The following IQGAP2 variants were observed in gnomAD, a reference collection of about 807,000 sequenced individuals.
IQGAP2 encodes the protein ras GTPase-activating-like protein IQGAP2.
A neutral mutation model predicts 201.3 loss-of-function variants in IQGAP2; 173 were observed. That is an observed-to-expected ratio of 0.86 (90% confidence interval 0.76 to 0.98). The LOEUF is 0.98. Among genes scored for constraint, IQGAP2 ranks in the 50% least tolerant of loss-of-function variants. IQGAP2 has a pLI of 0.00. For missense variants in IQGAP2, 1,687 were observed against 1,864.8 expected (o/e 0.90, Z 1.76); for synonymous variants, 675 against 673.9 (o/e 1.00, Z -0.03).
At chr5:76,614,971 C>T (rs924276232) in intron 13 of IQGAP2, among the ~76,000 whole-genome samples, 1 of 152,150 alleles carries the variant, frequency 6.6e-6, no homozygotes, top group African/African-American at 2.4e-5. Context: ...AGGTGGAGGA[C>T]AGTAATGGAA....
intron 2 of IQGAP2, among the ~76,000 whole-genome samples, chr5:76,468,695 T>A (rs546624719): frequency 6.6e-6 from 1 of 152,338 alleles, no homozygotes; most frequent in Admixed American, 6.5e-5. Flanking sequence ...AGGCTCTGCA[T>A]AGTCCAGTTC....
At chr5:76,627,051 C>A (rs2150375834) in intron 13 of IQGAP2, among the ~76,000 whole-genome samples, 1 of 152,156 alleles carries the variant, frequency 6.6e-6, no homozygotes, top group Non-Finnish European at 1.5e-5. Context: ...TTTGGGGAAG[C>A]TTTAAGTAGA....
At chr5:76,490,814 G>A (rs1756493359) in intron 2 of IQGAP2, among the ~76,000 whole-genome samples, 1 of 152,056 alleles carries the variant, frequency 6.6e-6, no homozygotes, top group African/African-American at 2.4e-5. Flanking sequence ...GAATCTGTGT[G>A]GCAGAATGTA....
At chr5:76,485,073 T>A (rs2150148917) in intron 2 of IQGAP2, among the ~76,000 whole-genome samples, 1 of 152,248 alleles carries the variant, frequency 6.6e-6, no homozygotes, top group African/African-American at 2.4e-5. Flanking sequence ...TCCTCTGACT[T>A]GGCCTCCCAA....
At chr5:76,652,196 A>G (rs571856761) in intron 17 of IQGAP2, among the ~76,000 whole-genome samples, 5 of 152,306 alleles carry the variant, frequency 3.3e-5, no homozygotes, top group African/African-American at 1.2e-4. Flanking sequence ...TATGTTGATG[A>G]AGCATTGTTT....
At chr5:76,585,414 AGAG>A (rs1561484946) in intron 5 of IQGAP2, among the ~76,000 whole-genome samples, 1 of 152,162 alleles carries the variant, frequency 6.6e-6, no homozygotes, top group African/African-American at 2.4e-5. Flanking sequence ...ATTTGTAAAA[AGAG>A]GAGGAAAGTG....
intron 1 of IQGAP2, among the ~76,000 whole-genome samples, chr5:76,435,935 T>C (rs1362982786): frequency 4.7e-5 from 6 of 126,800 alleles, no homozygotes; most frequent in African/African-American, 2.8e-4. Context: ...TTTGGGTTTT[T>C]GTTTGTTTGT....
At position 76,627,474 on chromosome 5, in the gene IQGAP2, A is replaced by G; in HGVS notation, c.1586A>G (p.Asn529Ser). 6.3e-7 allele frequency: 1 copy of G among 1,589,652 alleles called. No homozygotes were observed. The highest frequency in any genetic ancestry group is 2.2e-5 in the East Asian group (1 of 44,794). ...DEIQQAVDDA[N>S]VDKDRAKQWV... The stretch of plus-strand genomic sequence containing the variant: ...ATACAGCAAGCCGTCGATGATGCCA[A>G]CGTGGACAAGGACAGAGCAAAACAA... Residue 529 changes from asparagine (N) to serine (S), a missense_variant, in exon 14 of 36, where the codon AAC (asparagine) becomes AGC (serine). Transcript: ENST00000274364.
intron 2 of IQGAP2, among the ~76,000 whole-genome samples, chr5:76,467,484 C>G (rs868744726): frequency 6.6e-6 from 1 of 152,202 alleles, no homozygotes; most frequent in African/African-American, 2.4e-5. Flanking sequence ...CAAAGATGGA[C>G]AATAACAAAT....
At chr5:76,659,499 C>T (rs1743067253) in intron 21 of IQGAP2, among the ~76,000 whole-genome samples, 1 of 152,116 alleles carries the variant, frequency 6.6e-6, no homozygotes, top group Admixed American at 6.5e-5. Flanking sequence ...TCAACATTAG[C>T]CAAGTGTAGT....
At chr5:76,616,467 G>C (rs1221515088) in intron 13 of IQGAP2, 1 of 152,648 alleles carries the variant, frequency 6.6e-6, no homozygotes, top group Non-Finnish European at 1.5e-5. Flanking sequence ...AAATGTTTTA[G>C]TGATGTATCC....
intron 2 of IQGAP2, among the ~76,000 whole-genome samples, chr5:76,474,334 T>C (rs549209024): frequency 1.3e-5 from 2 of 152,210 alleles, no homozygotes; most frequent in East Asian, 3.9e-4. Context: ...AAAGAAAAAA[T>C]ATAAACATGA....
rs1213250068 is a variant in IQGAP2 at position 76,637,134 on chromosome 5, A to G, written c.1881A>G (p.Ser627=). 3 of 1,611,300 alleles carry G rather than the reference A, an allele frequency of 1.9e-6. No homozygotes were observed. Among genetic ancestry groups the G allele is most frequent in the South Asian group, 1.1e-5 (1 of 90,462 alleles). Residue 627 remains serine, a synonymous_variant, in exon 16 of 36, where the codon TCA becomes TCG. Coordinates refer to ENST00000274364, the MANE Select transcript of IQGAP2 (RefSeq NM_006633.5). ...AGAGTTCCTGGGTCACACCTGAATC[A>G]TGCTTGTATAAAGAATCATGGCTCA... The part of the protein sequence containing the change: ...SKESSWVTPE[S]CLYKESWLTG...
chr5:76,555,046 CA>C (rs1363857454), intron 2 of IQGAP2, among the ~76,000 whole-genome samples: 8 of 152,056 alleles, frequency 5.3e-5, no homozygotes, highest in Admixed American at 4.6e-4. Flanking sequence ...TGAAAGGTCA[CA>C]AAAGGCCACA....
chr5:76,483,841 A>T (rs1049574226), intron 2 of IQGAP2, among the ~76,000 whole-genome samples: 2 of 152,164 alleles, frequency 1.3e-5, no homozygotes, highest in African/African-American at 4.8e-5. Flanking sequence ...GGGGATGGGG[A>T]GAGGACTCTA....
rs141718417 is a variant in IQGAP2, at chr5:76,641,218, T to C, written c.2094+115T>C. On this transcript the variant is annotated intron_variant, in intron 17 of 35. Transcript: ENST00000274364. ...TCCTATAAACAAATCTGACTGCATA[T>C]TTTTACATAATCAGTGCCCCTAGTC... 1,959 of 772,450 alleles carry C rather than the reference T, an allele frequency of 2.5e-3. 27 individuals carry two copies. The African/African-American group carries it at 0.029, about 12-fold the overall frequency. 47.8% of individuals were successfully genotyped at this position (772,450 alleles called of 1,614,324 possible).
chr5:76,623,222 G>A, intron 13 of IQGAP2: 15 of 1,614,192 alleles, frequency 9.3e-6, no homozygotes, highest in Non-Finnish European at 1.3e-5. Context: ...CAAAGATGAG[G>A]GCTTTCATTT....
chr5:76,580,941 C>T (rs1745807649), intron 5 of IQGAP2, among the ~76,000 whole-genome samples: 2 of 152,204 alleles, frequency 1.3e-5, no homozygotes, highest in Admixed American at 6.5e-5. Context: ...GTTCATTTGA[C>T]CATTGAGATT....
intron 2 of IQGAP2, among the ~76,000 whole-genome samples, chr5:76,489,360 T>C (rs1167042004): frequency 6.6e-6 from 1 of 152,148 alleles, no homozygotes; most frequent in East Asian, 1.9e-4. Context: ...AAGAAGTAAC[T>C]TTTTTTAGGA....
Sources: allele counts gnomAD v4.1 joint callset (sites outside exome capture counted in the v4.1 genomes callset), GRCh38; gene constraint gnomAD v4.1.1; transcripts MANE v1.5; gene names NCBI Gene and HGNC (gene_info 2026-07-23, HGNC 2026-07-21).